Variants in ACBD6 observed in about 807,000 individuals in gnomAD.
The protein encoded by ACBD6 is acyl-CoA-binding domain-containing protein 6.
A neutral mutation model predicts 37.2 loss-of-function variants in ACBD6; 28 were observed. The ratio of observed to expected loss-of-function variants is 0.75; its 90% CI spans 0.56 to 1.03. The LOEUF is 1.03. ACBD6 is among the 50% of genes least tolerant of loss of function. The pLI, the probability that ACBD6 is intolerant of heterozygous loss-of-function variation, is 0.00. For synonymous variants in ACBD6, 113 were observed against 126.8 expected (o/e 0.89, Z 0.73); for missense variants, 340 against 337.4 (o/e 1.01, Z -0.06).
intron 3 of ACBD6, among the ~76,000 whole-genome samples, chr1:180,446,953 A>G (rs1649498917): frequency 6.6e-6 from 1 of 152,164 alleles, no homozygotes; most frequent in Admixed American, 6.5e-5. Context: ...AAGCAGGAGT[A>G]TTGCTTGAAC....
In ACBD6 at chr1:180,413,403, T is replaced by C. The variant is rs1411813018; in HGVS notation, c.536A>G (p.Lys179Arg). 1 of 1,613,604 alleles carries C rather than the reference T, an allele frequency of 6.2e-7. No individual in the cohort carries two copies. Residue 179 changes from lysine to arginine, a missense_variant, in exon 5 of 8, where the codon AAA becomes AGA. Transcript: ENST00000367595. ...NNIDHITKAIKSKNVDVNVKD... is the reference protein window; with the variant it reads ...NNIDHITKAIRSKNVDVNVKD... ...CACATTCACATCCACATTTTTCGATTTGATGGCTTTGGTTATATGGTCAAT... is the reference window on the plus strand; with the variant it reads ...CACATTCACATCCACATTTTTCGATCTGATGGCTTTGGTTATATGGTCAAT...
chr1:180,384,931 T>C (rs1312478123), intron 6 of ACBD6, among the ~76,000 whole-genome samples: 2 of 152,166 alleles, frequency 1.3e-5, no homozygotes, highest in Admixed American at 6.5e-5. Flanking sequence ...TTCTCATTCA[T>C]ATGTAGGAGC....
At chr1:180,281,009 C>T (rs1649291418) in intron 9 of ACBD6, among the ~76,000 whole-genome samples, 1 of 152,182 alleles carries the variant, frequency 6.6e-6, no homozygotes, top group African/African-American at 2.4e-5. Context: ...AACATACTAT[C>T]AACTGTTTTT....
chr1:180,362,896 T>C (rs1652901101), intron 6 of ACBD6, among the ~76,000 whole-genome samples: 1 of 152,242 alleles, frequency 6.6e-6, no homozygotes, highest in South Asian at 2.1e-4. Context: ...TCATCACTGT[T>C]GGCATAGAAC....
chr1:180,274,901 G>C (rs1157025788), exon 10 of ACBD6: 3 of 255,390 alleles, frequency 1.2e-5, no homozygotes, highest in African/African-American at 6.5e-5. Flanking sequence ...AGCACAAGGT[G>C]ACTGTGATAG....
Position 180,445,222 on chromosome 1 carries a change from C to T in ACBD6, c.385-14960G>A, listed in dbSNP as rs558702422. The stretch of plus-strand genomic sequence containing the variant: ...GCCCAAAACATGGCCATTTCTCCAA[C>T]GCAAAAGTGTTTCAGCAATATAGAT... On this transcript the variant is annotated intron_variant, in intron 3 of 7. Transcript: ENST00000367595. Among the ~76,000 whole-genome samples the T allele has an allele frequency of 5.9e-5, 9 of 152,232 alleles. No individual in the cohort carries two copies. The East Asian group carries it at 7.7e-4, about 13-fold the overall frequency.
intron 6 of ACBD6, among the ~76,000 whole-genome samples, chr1:180,349,258 TTTTAA>T (rs1652307660): frequency 9.8e-6 from 1 of 102,106 alleles, no homozygotes; most frequent in Admixed American, 1.4e-4. Flanking sequence ...AAATAAAAAA[TTTTAA>T]TTTCTTTTTT....
At chr1:180,364,665 T>C (rs180918353) in intron 6 of ACBD6, among the ~76,000 whole-genome samples, 2 of 152,104 alleles carry the variant, frequency 1.3e-5, no homozygotes, top group East Asian at 3.9e-4. Context: ...AACCATCTTT[T>C]GGAAATTTAG....
chr1:180,382,919 C>T (rs569019815), intron 6 of ACBD6, among the ~76,000 whole-genome samples: 1 of 152,280 alleles, frequency 6.6e-6, no homozygotes, highest in Admixed American at 6.5e-5. Context: ...TGTGATACAT[C>T]ACATCAATAA....
Position 180,490,948 on chromosome 1 carries a change from ACT to A in ACBD6, c.384+1319_384+1320del, listed in dbSNP as rs536079522. 5.3e-3 allele frequency among the ~76,000 whole-genome samples: 693 copies of A among 131,578 alleles called. 2 individuals carry two copies. Among genetic ancestry groups the A allele is most frequent in the African/African-American group, 0.019 (658 of 34,148 alleles). The allele number at this position is 131,578 out of a possible 152,430, so 86.3% of individuals were successfully genotyped here. A position where few individuals can be genotyped will look rare whatever the true frequency, so the allele number is the denominator to read the frequency against. On this transcript the variant is annotated intron_variant, in intron 3 of 7. Transcript: ENST00000367595. ...GCTCCAGTCTGAGTGATAGAGTGAGACTCTGTCTCATATAAAAAAAAAAAAAA... is the reference window on the plus strand; with the variant it reads ...GCTCCAGTCTGAGTGATAGAGTGAGACTGTCTCATATAAAAAAAAAAAAAA...
chr1:180,273,871 G>C, intron 11 of ACBD6: 1 of 395,060 alleles, frequency 2.5e-6, no homozygotes, highest in South Asian at 2.6e-5. Flanking sequence ...CCCAGCCTTA[G>C]GCATTCATCC....
At chr1:180,289,554 A>G (rs1252037082) in intron 7 of ACBD6, among the ~76,000 whole-genome samples, 2 of 152,212 alleles carry the variant, frequency 1.3e-5, no homozygotes, top group Non-Finnish European at 2.9e-5. Flanking sequence ...AAACCTAAAC[A>G]CACATATACC....
At chr1:180,345,268 G>A (rs2101885273) in intron 6 of ACBD6, among the ~76,000 whole-genome samples, 1 of 152,190 alleles carries the variant, frequency 6.6e-6, no homozygotes, top group East Asian at 1.9e-4. Flanking sequence ...AAGTAAAAAA[G>A]AGAAATCCAG....
intron 6 of ACBD6, among the ~76,000 whole-genome samples, chr1:180,382,008 C>CT (rs368025599): frequency 6.3e-4 from 95 of 150,820 alleles, no homozygotes; most frequent in African/African-American, 2.2e-3. Flanking sequence ...ACCAGGGAGG[C>CT]TGAGGCTGAG....
chr1:180,290,708 C>T (rs186194332), intron 7 of ACBD6, among the ~76,000 whole-genome samples: 1 of 143,264 alleles, frequency 7.0e-6, no homozygotes, highest in African/African-American at 2.4e-5. Flanking sequence ...TTTGAAGGAT[C>T]GAGCAAAATT....
chr1:180,335,738 C>T (rs1400636115), intron 6 of ACBD6, among the ~76,000 whole-genome samples: 3 of 145,748 alleles, frequency 2.1e-5, no homozygotes, highest in East Asian at 1.9e-4. Flanking sequence ...AGAGTCAAGA[C>T]CCATCAGTGT....
chr1:180,454,741 T>C (rs1053578466), intron 3 of ACBD6, among the ~76,000 whole-genome samples: 21 of 152,140 alleles, frequency 1.4e-4, no homozygotes, highest in African/African-American at 4.8e-4. Flanking sequence ...AAAGAAGACA[T>C]TTACGCAGCC....
intron 3 of ACBD6, 55 bp from the exon 4 acceptor site, chr1:180,430,317 T>A (rs1228004487): frequency 1.5e-6 from 2 of 1,369,578 alleles, no homozygotes; most frequent in Non-Finnish European, 2.1e-6. Context: ...AAACAATAGG[T>A]ATTTAAATCA....
intron 3 of ACBD6, among the ~76,000 whole-genome samples, chr1:180,476,573 C>T (rs2102064557): frequency 6.6e-6 from 1 of 152,292 alleles, no homozygotes; most frequent in South Asian, 2.1e-4. Flanking sequence ...CGCCTATAAT[C>T]CCAGCACTTT....
Sources: gnomAD v4.1 joint callset for allele counts (sites outside exome capture counted in the v4.1 genomes callset) on GRCh38, gnomAD v4.1.1 for gene constraint, MANE v1.5 for transcripts, NCBI Gene and HGNC (gene_info 2026-07-23, HGNC 2026-07-21) for gene names.